XYLT1: variants seen among roughly 807,000 people sequenced by gnomAD.
XYLT1 encodes beta-D-xylosyltransferase 1.
In XYLT1, 36 loss-of-function variants were observed where a neutral mutation model predicts 91.3. The observed-to-expected ratio is 0.39, with a 90% CI of 0.30 to 0.52. The LOEUF (loss-of-function observed/expected upper bound fraction) is 0.52, where lower values mean the gene tolerates loss of function less well. XYLT1 is among the 20% of genes least tolerant of loss of function. XYLT1 has a pLI of 0.68. For missense variants in XYLT1, 1,242 were observed against 1,284.5 expected (o/e 0.97, Z 0.51); for synonymous variants, 588 against 532.0 (o/e 1.11, Z -1.45).
chr16:17,388,256 G>A (rs1217656477), intron 1 of XYLT1, among the ~76,000 whole-genome samples: 2 of 152,176 alleles, frequency 1.3e-5, no homozygotes, highest in Non-Finnish European at 2.9e-5. Flanking sequence ...GCTAGCCTGA[G>A]AAAAGATCAA....
intron 2 of XYLT1, among the ~76,000 whole-genome samples, chr16:17,344,350 G>A (rs1456969023): frequency 7.9e-5 from 12 of 151,222 alleles, no homozygotes; most frequent in Non-Finnish European, 1.5e-4. Flanking sequence ...AAAATTAGCC[G>A]GGCGTGGTGG....
At chr16:17,336,121 G>A (rs886319740) in intron 2 of XYLT1, among the ~76,000 whole-genome samples, 1 of 152,174 alleles carries the variant, frequency 6.6e-6, no homozygotes, top group Non-Finnish European at 1.5e-5. Context: ...GGTGGATGGA[G>A]GGCAGAGCGT....
intron 1 of XYLT1, among the ~76,000 whole-genome samples, chr16:17,377,843 G>A (rs66951083): frequency 0.1 from 15,211 of 152,158 alleles, 962 homozygotes; most frequent in African/African-American, 0.18. Flanking sequence ...GCCCACTGGG[G>A]TTCAGAACAA....
intron 1 of XYLT1, among the ~76,000 whole-genome samples, chr16:17,368,563 A>ATTT (rs1278537685): frequency 5.8e-4 from 76 of 130,450 alleles, no homozygotes; most frequent in African/African-American, 2.0e-3. Flanking sequence ...GGATAGATAG[A>ATTT]TTTTTTTTTT....
intron 2 of XYLT1, among the ~76,000 whole-genome samples, chr16:17,333,112 A>C (rs1020839229): frequency 6.6e-6 from 1 of 152,136 alleles, no homozygotes; most frequent in African/African-American, 2.4e-5. Flanking sequence ...AATGGAAAAA[A>C]AACTGTGTTC....
At chr16:17,329,334 C>T (rs774927903) in intron 2 of XYLT1, among the ~76,000 whole-genome samples, 3 of 152,196 alleles carry the variant, frequency 2.0e-5, no homozygotes, top group Non-Finnish European at 4.4e-5. Context: ...ACTCAGTTTC[C>T]CTCTTTTACC....
chr16:17,121,508 C>T (rs1030692177), intron 10 of XYLT1, among the ~76,000 whole-genome samples: 9 of 152,176 alleles, frequency 5.9e-5, no homozygotes, highest in South Asian at 2.1e-4. Context: ...GCTTAACATA[C>T]TGCTCCCTGG....
intron 2 of XYLT1, among the ~76,000 whole-genome samples, chr16:17,316,393 T>C (rs1373478849): frequency 6.6e-6 from 1 of 151,978 alleles, no homozygotes; most frequent in East Asian, 1.9e-4. Flanking sequence ...CCCCTGCTTT[T>C]TATTTATTTA....
At chr16:17,459,629 A>G (rs1257653520) in intron 1 of XYLT1, among the ~76,000 whole-genome samples, 1 of 152,190 alleles carries the variant, frequency 6.6e-6, no homozygotes, top group Non-Finnish European at 1.5e-5. Context: ...GCTTATCCAC[A>G]GCTCTTTCTT....
At chr16:17,178,132 G>A (rs7195149) in intron 5 of XYLT1, among the ~76,000 whole-genome samples, 75,273 of 151,916 alleles carry the variant, frequency 0.5, 20,476 homozygotes, top group African/African-American at 0.71. Context: ...GGGCTGGATA[G>A]CCATGGAGGA....
intron 2 of XYLT1, among the ~76,000 whole-genome samples, chr16:17,333,926 G>GT (rs1410779136): frequency 6.6e-6 from 1 of 152,104 alleles, no homozygotes; most frequent in Non-Finnish European, 1.5e-5. Context: ...AGTATTAAGT[G>GT]GTGGGTCCTT....
chr16:17,462,589 T>C (rs1450475766), intron 1 of XYLT1, among the ~76,000 whole-genome samples: 1 of 152,124 alleles, frequency 6.6e-6, no homozygotes, highest in Non-Finnish European at 1.5e-5. Context: ...AACTCTCCAG[T>C]GTGCTGCAGA....
intron 10 of XYLT1, among the ~76,000 whole-genome samples, chr16:17,126,549 C>A (rs1264615118): frequency 6.6e-6 from 1 of 152,172 alleles, no homozygotes; most frequent in African/African-American, 2.4e-5. Flanking sequence ...TTAGGCAGGG[C>A]CACAGAAGCT....
At chr16:17,385,379 G>A (rs2035736442) in intron 1 of XYLT1, among the ~76,000 whole-genome samples, 1 of 151,226 alleles carries the variant, frequency 6.6e-6, no homozygotes, top group African/African-American at 2.4e-5. Context: ...TTGTTCTCTT[G>A]TGTGCTCTTT....
intron 1 of XYLT1, among the ~76,000 whole-genome samples, chr16:17,431,960 C>T (rs955091475): frequency 1.3e-5 from 2 of 152,164 alleles, no homozygotes; most frequent in African/African-American, 4.8e-5. Context: ...GGTGTGGAGG[C>T]TTTTCCTGTG....
At chr16:17,162,337 G>A (rs1472395758) in intron 5 of XYLT1, among the ~76,000 whole-genome samples, 1 of 150,304 alleles carries the variant, frequency 6.7e-6, no homozygotes, top group African/African-American at 2.5e-5. Context: ...TTGAACTTGG[G>A]AAGTGGAGGT....
chr16:17,194,743 G>A (rs1223231579), intron 5 of XYLT1, among the ~76,000 whole-genome samples: 1 of 152,230 alleles, frequency 6.6e-6, no homozygotes, highest in African/African-American at 2.4e-5. Flanking sequence ...TTTGCAACCA[G>A]ACGAAACTGG....
chr16:17,217,274 T>C (rs1379611860), intron 3 of XYLT1, among the ~76,000 whole-genome samples: 3 of 152,156 alleles, frequency 2.0e-5, no homozygotes, highest in Non-Finnish European at 2.9e-5. Flanking sequence ...CTGTTCTAGC[T>C]TCACTTCTTA....
In XYLT1 at chr16:17,470,353, G is replaced by C. The variant is rs1428010286; in HGVS notation, c.363+81C>G. On this transcript the variant is annotated intron_variant, in intron 1 of 11. Coordinates refer to ENST00000261381, the MANE Select transcript of XYLT1 (RefSeq NM_022166.4). ...TGCAGAGTCCCAGTCTGATGACCGA[G>C]TTCAAGGGCTAGGGGGGCGTGGGGT... 15 of 1,201,040 alleles carry C rather than the reference G, an allele frequency of 1.2e-5. 1 individual carries two copies. The South Asian group carries it at 4.3e-4, about 34-fold the overall frequency. The allele number at this position is 1,201,040 out of a possible 1,614,324, so 74.4% of individuals were successfully genotyped here. A position where few individuals can be genotyped will look rare whatever the true frequency, so the allele number is the denominator to read the frequency against.
Sources: gnomAD v4.1 joint callset for allele counts (sites outside exome capture counted in the v4.1 genomes callset) on GRCh38, gnomAD v4.1.1 for gene constraint, MANE v1.5 for transcripts, NCBI Gene and HGNC (gene_info 2026-07-23, HGNC 2026-07-21) for gene names.